The following MEF2A variants were observed in gnomAD, a reference collection of about 807,000 sequenced individuals.
The protein encoded by MEF2A is myocyte-specific enhancer factor 2A.
Under a neutral mutation model 55.8 loss-of-function variants are expected in MEF2A, and 28 were observed. That is an observed-to-expected ratio of 0.50 (90% CI 0.37 to 0.69). The LOEUF (loss-of-function observed/expected upper bound fraction) is 0.69, where lower values mean the gene tolerates loss of function less well. MEF2A is among the 30% of genes least tolerant of loss of function. The pLI, the probability that MEF2A is intolerant of heterozygous loss-of-function variation, is 0.00. For synonymous variants in MEF2A, 239 were observed against 227.1 expected (o/e 1.05, Z -0.47); for missense variants, 528 against 626.2 (o/e 0.84, Z 1.67).
intron 7 of MEF2A, among the ~76,000 whole-genome samples, chr15:99,687,159 C>T (rs1329466850): frequency 1.5e-5 from 2 of 132,734 alleles, no homozygotes; most frequent in Non-Finnish European, 3.1e-5. Context: ...GAACTGGGCT[C>T]AAGCGATCTG....
intron 1 of MEF2A, among the ~76,000 whole-genome samples, chr15:99,585,867 G>C (rs935046531): frequency 2.0e-5 from 3 of 152,076 alleles, no homozygotes; most frequent in Admixed American, 6.6e-5. Context: ...CTTTCATAAT[G>C]TATGAATTGT....
intron 1 of MEF2A, among the ~76,000 whole-genome samples, chr15:99,571,195 A>AC (rs1170758277): frequency 8.1e-4 from 123 of 151,324 alleles, no homozygotes; most frequent in African/African-American, 2.9e-3. Flanking sequence ...AAAAAAAAAA[A>AC]AACAACAACA....
In MEF2A at chr15:99,712,899, A is replaced by G. The variant is rs1465749054; in HGVS notation, c.*128A>G. The G allele has an allele frequency of 3.7e-6, 4 of 1,069,186 alleles. No individual in the cohort carries two copies. The African/African-American group carries it at 5.4e-5, about 15-fold the overall frequency. The allele number at this position is 1,069,186 out of a possible 1,614,324, so 66.2% of individuals were successfully genotyped here. A position where few individuals can be genotyped will look rare whatever the true frequency, so the allele number is the denominator to read the frequency against. On this transcript the variant is annotated 3_prime_UTR_variant, in exon 12 of 12. Transcript: ENST00000557942. This position sits in a 1 kb window ranked among gnomAD's most constrained non-coding sequence, Gnocchi z 4.1. ...TACATATATATATCCCTTTACATATATATGTATGTGGGTGTGAGTGTGTAT... is the reference window on the plus strand; with the variant it reads ...TACATATATATATCCCTTTACATATGTATGTATGTGGGTGTGAGTGTGTAT...
At position 99,713,143 on chromosome 15, in the gene MEF2A, C is replaced by T. The variant is rs558945765; in HGVS notation, c.*372C>T. On this transcript the variant is annotated 3_prime_UTR_variant, in exon 12 of 12. Transcript: ENST00000557942. ...TAGCTTGCAGAAACCTAGAGGGCCC[C>T]CTACTTGTTTTATTTAACTGTGCAG... 5.7e-5 allele frequency: 24 copies of T among 422,866 alleles called. 1 individual carries two copies. In the South Asian group the frequency reaches 2.2e-3, roughly 38 times the overall value. 26.2% of individuals were successfully genotyped at this position (422,866 alleles called of 1,614,324 possible). A position where few individuals can be genotyped will look rare whatever the true frequency, so the allele number is the denominator to read the frequency against.
At chr15:99,667,518 C>G (rs185094387) in intron 4 of MEF2A, among the ~76,000 whole-genome samples, 3 of 152,164 alleles carry the variant, frequency 2.0e-5, no homozygotes, top group African/African-American at 7.2e-5. Context: ...CCACCGCGCC[C>G]GGCCGTAACA....
intron 8 of MEF2A, among the ~76,000 whole-genome samples, chr15:99,696,800 A>AT (rs200342966): frequency 0.027 from 4,051 of 152,054 alleles, 74 homozygotes; most frequent in Non-Finnish European, 0.042. Flanking sequence ...TTTCCAACTT[A>AT]TTTTTTTAGG....
At chr15:99,620,268 TTG>T (rs1053475765) in intron 2 of MEF2A, among the ~76,000 whole-genome samples, 2 of 152,208 alleles carry the variant, frequency 1.3e-5, no homozygotes, top group African/African-American at 4.8e-5. Flanking sequence ...CACTGGGGTT[TTG>T]TGTGTGAATA....
intron 8 of MEF2A, among the ~76,000 whole-genome samples, chr15:99,692,133 C>G (rs949750954): frequency 6.6e-6 from 1 of 152,128 alleles, no homozygotes; most frequent in Non-Finnish European, 1.5e-5. Flanking sequence ...GATAATAATT[C>G]CACTTTGGTA....
At chr15:99,565,906 A>C (rs1029954264), upstream of MEF2A, 2 of 152,848 alleles carry the variant, frequency 1.3e-5, no homozygotes, top group Non-Finnish European at 2.9e-5. Context: ...GAGGCGGCGG[A>C]GGTAGTGCGC....
At chr15:99,578,688 A>G (rs1161550841) in intron 1 of MEF2A, among the ~76,000 whole-genome samples, 1 of 152,250 alleles carries the variant, frequency 6.6e-6, no homozygotes, top group Non-Finnish European at 1.5e-5. Flanking sequence ...CAATTCTGCT[A>G]TAACGCAGCA....
chr15:99,624,663 G>A (rs2041782316), intron 2 of MEF2A, among the ~76,000 whole-genome samples: 2 of 152,094 alleles, frequency 1.3e-5, no homozygotes, highest in African/African-American at 4.8e-5. Flanking sequence ...AGTCCCTTGA[G>A]ATTTCATACG....
intron 7 of MEF2A, among the ~76,000 whole-genome samples, chr15:99,687,345 G>C (rs1353279167): frequency 6.6e-6 from 1 of 152,038 alleles, no homozygotes; most frequent in African/African-American, 2.4e-5. Context: ...CCTTGCACGT[G>C]TATTAATACA....
chr15:99,614,763 T>C (rs2039910584), intron 2 of MEF2A, among the ~76,000 whole-genome samples: 1 of 152,050 alleles, frequency 6.6e-6, no homozygotes, highest in Non-Finnish European at 1.5e-5. Context: ...GGAGAAGGGC[T>C]TGGGATAAGA....
intron 7 of MEF2A, among the ~76,000 whole-genome samples, chr15:99,685,684 A>G (rs539469998): frequency 7.2e-5 from 11 of 152,230 alleles, no homozygotes; most frequent in South Asian, 2.1e-4. Flanking sequence ...ATGGTGTATT[A>G]TCTTTTGATA....
intron 10 of MEF2A, among the ~76,000 whole-genome samples, chr15:99,707,702 C>T (rs2058190267): frequency 6.6e-6 from 1 of 152,120 alleles, no homozygotes; most frequent in Non-Finnish European, 1.5e-5. Flanking sequence ...TTCAATTCTC[C>T]CTTGCCCATT....
intron 2 of MEF2A, among the ~76,000 whole-genome samples, chr15:99,630,820 G>C (rs1237885786): frequency 6.6e-6 from 1 of 152,142 alleles, no homozygotes; most frequent in Non-Finnish European, 1.5e-5. Flanking sequence ...TAGTTCTTTG[G>C]AGTCTGTCCC....
At chr15:99,603,929 G>C (rs1423694787) in intron 2 of MEF2A, among the ~76,000 whole-genome samples, 1 of 152,100 alleles carries the variant, frequency 6.6e-6, no homozygotes, top group African/African-American at 2.4e-5. Context: ...TCTGTTACTA[G>C]GTGCATGCGT....
chr15:99,690,384 C>T lies in MEF2A; in HGVS notation c.814C>T (p.Arg272Ter). The change falls in exon 8 of 12, where the codon CGA becomes TGA. Residue 272 changes from arginine to a stop codon, truncating the protein, a stop_gained. Coordinates refer to ENST00000557942, the MANE Select transcript of MEF2A (RefSeq NM_001319206.4). LOFTEE classifies it high-confidence loss of function. The part of the protein sequence containing the change: ...LGMNSRKPDL[R>*]VVIPPSSKGM... The stretch of plus-strand genomic sequence containing the variant: ...AATGAACAGTAGGAAACCAGATCTT[C>T]GAGTTGTCATCCCCCCTTCAAGCAA... The T allele has an allele frequency of 1.2e-6, 2 of 1,608,502 alleles. No homozygotes were observed. The highest frequency in any genetic ancestry group is 1.7e-6 in the Non-Finnish European group (2 of 1,176,358).
At chr15:99,582,135 A>G (rs533504642) in intron 1 of MEF2A, among the ~76,000 whole-genome samples, 1 of 152,298 alleles carries the variant, frequency 6.6e-6, no homozygotes, top group East Asian at 1.9e-4. Context: ...CTTCTTTAAT[A>G]TGCCCATATA....
Sources: allele counts gnomAD v4.1 joint callset (sites outside exome capture counted in the v4.1 genomes callset), GRCh38; gene constraint gnomAD v4.1.1; non-coding constraint Gnocchi (gnomAD v3.1); transcripts MANE v1.5; gene names NCBI Gene and HGNC (gene_info 2026-07-23, HGNC 2026-07-21).